Variants in OTOF observed in about 807,000 individuals in gnomAD.
OTOF encodes the protein fer-1-like family member 2.
In OTOF, 218 loss-of-function variants were observed where a neutral mutation model predicts 236.8. That is an observed-to-expected ratio of 0.92 (90% confidence interval 0.82 to 1.03). OTOF has a LOEUF of 1.03. Ranked by LOEUF, OTOF falls within the 50% of genes least tolerant of loss-of-function variation. OTOF has a pLI of 0.00. For synonymous variants in OTOF, 1,041 were observed against 1,072.5 expected, an observed-to-expected ratio of 0.97 and a Z score of 0.57; for missense variants, 2,590 against 2,694.4, an observed-to-expected ratio of 0.96 and a Z score of 0.86.
chr2:26,501,692 C>T (rs1466030608), intron 8 of OTOF, 62 bp downstream of exon 8: 15 of 1,139,584 alleles, frequency 1.3e-5, no homozygotes, highest in East Asian at 4.7e-5. Context: ...AATGCACATC[C>T]GGCTAGAATC....
chr2:26,468,583 C>A, intron 32 of OTOF, 109 bp from the exon 33 acceptor site: 1 of 833,818 alleles, frequency 1.2e-6, no homozygotes, highest in Non-Finnish European at 2.1e-6. Context: ...AGTAGAAAAT[C>A]TTCCCTACTG....
chr2:26,514,743 A>G (rs1035451342), intron 5 of OTOF, among the ~76,000 whole-genome samples: 1 of 152,152 alleles, frequency 6.6e-6, no homozygotes, highest in African/African-American at 2.4e-5. Flanking sequence ...CACAGTCAAG[A>G]TGGGACTTAA....
intron 2 of OTOF, among the ~76,000 whole-genome samples, chr2:26,530,727 C>A (rs1043006161): frequency 6.6e-6 from 1 of 152,162 alleles, no homozygotes; most frequent in East Asian, 1.9e-4. Flanking sequence ...GTCTCTATCT[C>A]TCCCTTTGTC....
chr2:26,489,183 G>C (rs371054577), intron 11 of OTOF, 28 bp downstream of exon 11: 1 of 1,550,410 alleles, frequency 6.4e-7, no homozygotes, highest in Non-Finnish European at 8.9e-7. Context: ...TGCACACCTC[G>C]ACTGACTGGC....
intron 41 of OTOF, among the ~76,000 whole-genome samples, chr2:26,463,127 C>G (rs1385512089): frequency 1.3e-5 from 2 of 151,892 alleles, no homozygotes; most frequent in African/African-American, 4.8e-5. Context: ...TGTGGGTGTC[C>G]GTGGGAGTGC....
chr2:26,496,467 T>C (rs1665988874), intron 8 of OTOF, among the ~76,000 whole-genome samples: 1 of 152,044 alleles, frequency 6.6e-6, no homozygotes, highest in South Asian at 2.1e-4. Flanking sequence ...CTTGAACTCC[T>C]GACCTCAGGT....
intron 2 of OTOF, among the ~76,000 whole-genome samples, chr2:26,533,301 A>T (rs1666992606): frequency 6.6e-6 from 1 of 152,160 alleles, no homozygotes; most frequent in Admixed American, 6.5e-5. Flanking sequence ...GGTGCCAAAA[A>T]GGTTGGGGAC....
chr2:26,467,445 T>C lies in OTOF; in HGVS notation c.4147A>G (p.Lys1383Glu), dbSNP rs766593014. 3.1e-6 allele frequency: 5 copies of C among 1,614,086 alleles called. No homozygotes were observed. The Admixed American group carries it at 8.3e-5, about 27-fold the overall frequency. The change falls in exon 34 of 47, where the codon AAG (lysine) becomes GAG (glutamate). Residue 1383 changes from lysine to glutamate, a missense_variant. By Grantham distance (56) the Lys-to-Glu change is moderately conservative. Transcript: ENST00000272371. Reference sequence around the variant, plus strand: ...GAGCCAGAGCTCTGAGTTTTCTTCTTCTTCTCCTCTTTGGCAGCCCTTGCC... The same window carrying C: ...GAGCCAGAGCTCTGAGTTTTCTTCTCCTTCTCCTCTTTGGCAGCCCTTGCC... ...EKARAAKEEK[K>E]KKTQSSGSGQ...
intron 5 of OTOF, among the ~76,000 whole-genome samples, 187 bp from the exon 6 acceptor site, chr2:26,504,032 G>A (rs1666186447): frequency 6.6e-6 from 1 of 152,140 alleles, no homozygotes; most frequent in Non-Finnish European, 1.5e-5. Context: ...GGGAATCAGG[G>A]CAGTGAGAGA....
intron 18 of OTOF, 23 bp downstream of exon 18, chr2:26,479,241 C>T (rs369185719): frequency 1.8e-5 from 29 of 1,611,654 alleles, no homozygotes; most frequent in African/African-American, 2.7e-5. Context: ...CCCACCCCTG[C>T]TGGCCCCTGG....
At chr2:26,544,082 A>G (rs1001547292) in intron 1 of OTOF, among the ~76,000 whole-genome samples, 3 of 152,238 alleles carry the variant, frequency 2.0e-5, no homozygotes, top group African/African-American at 7.2e-5. Flanking sequence ...TCTATTATGA[A>G]TCACATTTGT....
chr2:26,524,881 CT>C (rs764940977), intron 3 of OTOF, among the ~76,000 whole-genome samples: 3 of 152,230 alleles, frequency 2.0e-5, no homozygotes, highest in Non-Finnish European at 4.4e-5. Flanking sequence ...AGTGGCTGAG[CT>C]GTAAAGCTCC....
intron 3 of OTOF, among the ~76,000 whole-genome samples, chr2:26,520,216 G>A (rs1666643202): frequency 1.3e-5 from 2 of 152,170 alleles, no homozygotes; most frequent in Non-Finnish European, 2.9e-5. Context: ...AAGCATCCAG[G>A]GCGTGTGAGA....
chr2:26,476,210 G>A lies in OTOF; in HGVS notation c.2784C>T (p.Gly928=). The A allele has an allele frequency of 6.2e-7, 1 of 1,610,068 alleles. No homozygotes were observed. The highest frequency in any genetic ancestry group is 8.5e-7 in the Non-Finnish European group (1 of 1,179,852). The part of the protein sequence containing the change: ...LSKQRKEFLC[G]LPCGFQEVKA... ...TGACCTCCTGGAAGCCACAGGGCAG[G>A]CCGCACAGGAACTCCTTGCGCTGTT... The change falls in exon 23 of 47, where the codon GGC becomes GGT. Residue 928 remains glycine (G), a synonymous_variant. Coordinates refer to ENST00000272371, the MANE Select transcript of OTOF (RefSeq NM_194248.3).
chr2:26,556,721 G>A (rs1461098574), intron 1 of OTOF, among the ~76,000 whole-genome samples: 4 of 152,152 alleles, frequency 2.6e-5, no homozygotes, highest in Non-Finnish European at 4.4e-5. Flanking sequence ...TGGGACCACC[G>A]TGCCTCAGCT....
intron 9 of OTOF, 47 bp downstream of exon 9, chr2:26,494,895 C>T (rs750299690): frequency 1.2e-6 from 2 of 1,612,234 alleles, no homozygotes; most frequent in South Asian, 2.2e-5. Flanking sequence ...CTGGGGCCAC[C>T]CTCCTGCCAT....
intron 5 of OTOF, among the ~76,000 whole-genome samples, chr2:26,505,843 C>A (rs967128914): frequency 5.3e-5 from 8 of 152,224 alleles, no homozygotes; most frequent in Non-Finnish European, 1.0e-4. Context: ...GCATAGTTTA[C>A]AGATCAGGAT....
At chr2:26,504,137 C>T (rs898626994) in intron 5 of OTOF, among the ~76,000 whole-genome samples, 5 of 152,104 alleles carry the variant, frequency 3.3e-5, no homozygotes, top group Non-Finnish European at 7.3e-5. Flanking sequence ...CGGAAAGAGC[C>T]GTTTTAACTG....
chr2:26,503,826 A>T lies in OTOF; in HGVS notation c.529T>A (p.Ser177Thr). ...CGGTTTTTGCCGAGCTTCATGGCGG[A>T]GAACACGCTCCTCCCGGCTCTGTGA... ...SFRRAGRSVF[S>T]AMKLGKNRSH... is the part of the protein sequence containing the mutation. Residue 177 changes from serine to threonine, a missense_variant, in exon 6 of 47, where the codon TCC (serine) becomes ACC (threonine). This residue lies in a region of OTOF where 1,379 missense variants were observed against 1,341.6 expected (regional missense o/e 1.03). Coordinates refer to ENST00000272371, the MANE Select transcript of OTOF (RefSeq NM_194248.3). 1.9e-6 allele frequency: 3 copies of T among 1,614,136 alleles called. No homozygotes were observed. The highest frequency in any genetic ancestry group is 1.7e-6 in the Non-Finnish European group (2 of 1,179,998).
Sources: gnomAD v4.1 joint callset for allele counts (sites outside exome capture counted in the v4.1 genomes callset) on GRCh38, gnomAD v4.1.1 for gene constraint, gnomAD v4.1.1 regional missense constraint, MANE v1.5 for transcripts, NCBI Gene and HGNC (gene_info 2026-07-23, HGNC 2026-07-21) for gene names.